MYDGF: variants seen among roughly 807,000 people sequenced by gnomAD.
MYDGF encodes the protein myeloid derived growth factor, also known as myeloid-derived growth factor.
MYDGF carries 29 observed loss-of-function variants against 24.2 expected under a neutral mutation model. That is an observed-to-expected ratio of 1.20 (90% CI 0.89 to 1.63). The LOEUF (loss-of-function observed/expected upper bound fraction) is 1.63. MYDGF is among the 40% of genes most tolerant of loss of function. The probability of loss-of-function intolerance (pLI) is 0.00; values close to 1 mark genes in which losing one functional copy is unlikely to be tolerated. For missense variants in MYDGF, 245 were observed against 234.8 expected (o/e 1.04, Z -0.29); for synonymous variants, 105 against 102.5 (o/e 1.02, Z -0.15).
chr19:4,661,378 G>C (rs1323157336), intron 3 of MYDGF, among the ~76,000 whole-genome samples: 3 of 152,128 alleles, frequency 2.0e-5, no homozygotes, highest in Non-Finnish European at 2.9e-5. Context: ...ATGGCTTCTT[G>C]GTTGCTGACA....
rs200822487 is a variant in MYDGF at position 4,659,994 on chromosome 19, C to A, written c.379G>T (p.Ala127Ser). The A allele has an allele frequency of 2.5e-6, 4 of 1,613,896 alleles. 1 individual carries two copies. Among genetic ancestry groups the A allele is most frequent in the African/African-American group, 2.7e-5 (2 of 75,028 alleles). ...IEYAMAYSKA[A>S]FERESDVPLK... ...GGGACATCACTTTCCCTTTCAAATG[C>A]GGCTTTAGACTGAAAAAGAATGAGT... The change falls in exon 5 of 6, where the codon GCA (alanine) becomes TCA (serine). Residue 127 changes from alanine to serine, a missense_variant. Physicochemically the swap from Ala to Ser is moderately conservative, Grantham distance 99. Coordinates refer to ENST00000262947, the MANE Select transcript of MYDGF (RefSeq NM_019107.4).
intron 1 of MYDGF, 127 bp downstream of exon 1, chr19:4,670,034 T>G (rs2088552905): frequency 4.6e-6 from 5 of 1,086,930 alleles, no homozygotes; most frequent in Middle Eastern, 3.2e-4. Context: ...ACCCTAACAA[T>G]CCGCACCCCT....
intron 4 of MYDGF, among the ~76,000 whole-genome samples, chr19:4,660,414 C>T (rs1416218001): frequency 1.3e-5 from 2 of 152,262 alleles, no homozygotes; most frequent in South Asian, 4.1e-4. Context: ...TGGCGTGAAC[C>T]GCCGCGCCTG....
chr19:4,658,756 GC>G (rs1372139490), intron 5 of MYDGF, among the ~76,000 whole-genome samples: 2 of 152,066 alleles, frequency 1.3e-5, no homozygotes, highest in African/African-American at 4.8e-5. Context: ...CAACCTCAAA[GC>G]CCTGATGGTT....
chr19:4,669,596 A>G (rs570803922), intron 1 of MYDGF, among the ~76,000 whole-genome samples: 1 of 152,204 alleles, frequency 6.6e-6, no homozygotes, highest in Non-Finnish European at 1.5e-5. Flanking sequence ...CAAGTCTAAA[A>G]AGAAATAGTC....
chr19:4,669,671 G>C (rs1399908803), intron 1 of MYDGF, among the ~76,000 whole-genome samples: 1 of 152,190 alleles, frequency 6.6e-6, no homozygotes, highest in Non-Finnish European at 1.5e-5. Flanking sequence ...AAAGGACTTT[G>C]CCGACAAGCT....
intron 4 of MYDGF, among the ~76,000 whole-genome samples, chr19:4,660,288 G>A (rs1348061350): frequency 6.6e-6 from 1 of 152,062 alleles, no homozygotes. Context: ...AACACGCCTG[G>A]CTATTTTTTT....
chr19:4,666,398 C>T (rs2088521553), intron 2 of MYDGF, among the ~76,000 whole-genome samples: 1 of 151,900 alleles, frequency 6.6e-6, no homozygotes, highest in Non-Finnish European at 1.5e-5. Context: ...GCCTCAGCCT[C>T]CTGAGTAGCT....
At chr19:4,667,854 C>T (rs1401022146) in intron 2 of MYDGF, among the ~76,000 whole-genome samples, 1 of 152,088 alleles carries the variant, frequency 6.6e-6, no homozygotes, top group Non-Finnish European at 1.5e-5. Context: ...CACGCCACCA[C>T]GCTGGGCTAA....
At chr19:4,665,092 T>G (rs1025565423) in intron 2 of MYDGF, among the ~76,000 whole-genome samples, 155 bp from the exon 3 acceptor site, 1 of 152,220 alleles carries the variant, frequency 6.6e-6, no homozygotes, top group African/African-American at 2.4e-5. Context: ...CCTGGTGGCC[T>G]GGGGTTTGCT....
chr19:4,664,968 C>G (rs749790594), intron 2 of MYDGF, 31 bp from the exon 3 acceptor site: 16 of 1,607,562 alleles, frequency 1.0e-5, no homozygotes, highest in African/African-American at 6.7e-5. Context: ...GGGTCAGCCC[C>G]GGACACACAG....
chr19:4,670,227 C>T lies in MYDGF; in HGVS notation c.108G>A (p.Thr36=), dbSNP rs767555729. 2 of 1,571,594 alleles carry T rather than the reference C, an allele frequency of 1.3e-6. No homozygotes were observed. Among genetic ancestry groups the T allele is most frequent in the South Asian group, 1.2e-5 (1 of 86,522 alleles). The change falls in exon 1 of 6, where the codon ACG becomes ACA. Residue 36 remains threonine, a synonymous_variant. Coordinates refer to ENST00000262947, the MANE Select transcript of MYDGF (RefSeq NM_019107.4). ...LRPAEAVSEP[T]TVAFDVRPGG... is the part of the protein sequence containing the mutation. ...CGGGCCGCACGTCAAACGCCACCGTCGTGGGCTCGGACACCGCCTCCGCCG... is the reference window on the plus strand; with the variant it reads ...CGGGCCGCACGTCAAACGCCACCGTTGTGGGCTCGGACACCGCCTCCGCCG...
intron 2 of MYDGF, among the ~76,000 whole-genome samples, chr19:4,665,952 T>G (rs1432666147): frequency 6.7e-6 from 1 of 149,796 alleles, no homozygotes; most frequent in East Asian, 2.0e-4. Flanking sequence ...TCCTGTCTGC[T>G]AACACACCAT....
chr19:4,660,282 C>A (rs748301880), intron 4 of MYDGF, among the ~76,000 whole-genome samples: 1 of 152,078 alleles, frequency 6.6e-6, no homozygotes, highest in Non-Finnish European at 1.5e-5. Flanking sequence ...CATGCCAACA[C>A]GCCTGGCTAT....
rs935728561 is a variant in MYDGF, at chr19:4,665,218, T to C, written c.226-281A>G. Reference sequence around the variant, plus strand: ...ATGGGGAAATAGGAACAACGCTGTTTGTTTGTTTGTTTGTTTGTTTTTGAG... The same window carrying C: ...ATGGGGAAATAGGAACAACGCTGTTCGTTTGTTTGTTTGTTTGTTTTTGAG... On this transcript the variant is annotated intron_variant, in intron 2 of 5. Transcript: ENST00000262947. Among the ~76,000 whole-genome samples, 3 of 90,130 alleles carry C rather than the reference T, an allele frequency of 3.3e-5. No homozygotes were observed. In the African/African-American group the frequency reaches 4.3e-4, roughly 13 times the overall value. 59.1% of individuals were successfully genotyped at this position (90,130 alleles called of 152,430 possible).
At chr19:4,659,518 C>T (rs1172618589) in intron 5 of MYDGF, among the ~76,000 whole-genome samples, 2 of 152,048 alleles carry the variant, frequency 1.3e-5, no homozygotes, top group African/African-American at 2.4e-5. Flanking sequence ...GCCACCGCAC[C>T]CAGCCTGATT....
At position 4,664,866 on chromosome 19, in the gene MYDGF, C is replaced by A. The variant is rs371202568; in HGVS notation, c.287+10G>T. 1 of 1,611,898 alleles carries A rather than the reference C, an allele frequency of 6.2e-7. No individual in the cohort carries two copies. Among genetic ancestry groups the A allele is most frequent in the East Asian group, 2.2e-5 (1 of 44,830 alleles). ...GCAGCCGGAAATGCCATCCCCACCCCGAGTCTCACCTCCAGATGGTGCAGG... is the reference window on the plus strand; with the variant it reads ...GCAGCCGGAAATGCCATCCCCACCCAGAGTCTCACCTCCAGATGGTGCAGG... On this transcript the variant is annotated intron_variant, in intron 3 of 5. Coordinates refer to ENST00000262947, the MANE Select transcript of MYDGF (RefSeq NM_019107.4).
Position 4,659,986 on chromosome 19 carries a change from T to A in MYDGF, c.387A>T (p.Glu129Asp). Residue 129 changes from glutamate to aspartate, a missense_variant, in exon 5 of 6, where the codon GAA (glutamate) becomes GAT (aspartate). Transcript: ENST00000262947. ...YAMAYSKAAF[E>D]RESDVPLKTE... ...TTTTCAGAGGGACATCACTTTCCCT[T>A]TCAAATGCGGCTTTAGACTGAAAAA... The A allele has an allele frequency of 1.2e-6, 2 of 1,614,002 alleles. No homozygotes were observed. The highest frequency in any genetic ancestry group is 1.7e-6 in the Non-Finnish European group (2 of 1,179,998).
intron 3 of MYDGF, among the ~76,000 whole-genome samples, chr19:4,663,945 G>C (rs1392231281): frequency 1.3e-5 from 2 of 151,318 alleles, no homozygotes; most frequent in Non-Finnish European, 2.9e-5. Flanking sequence ...GGGGGGATCT[G>C]AGCTCCACAT....
Sources: allele counts gnomAD v4.1 joint callset (sites outside exome capture counted in the v4.1 genomes callset), GRCh38; gene constraint gnomAD v4.1.1; transcripts MANE v1.5; gene names NCBI Gene and HGNC (gene_info 2026-07-23, HGNC 2026-07-21).